Variants in TNNC1 observed in about 807,000 individuals in gnomAD.
TNNC1 encodes troponin C1, slow skeletal and cardiac type.
TNNC1 carries 10 observed loss-of-function variants against 19.6 expected under a neutral mutation model. The observed-to-expected ratio is 0.51, with a 90% CI of 0.31 to 0.87. TNNC1 has a LOEUF of 0.87. Among genes scored for constraint, TNNC1 ranks in the 40% least tolerant of loss-of-function variants. The pLI, the probability that TNNC1 is intolerant of heterozygous loss-of-function variation, is 0.04. For synonymous variants in TNNC1, 85 were observed against 80.1 expected (o/e 1.06, Z -0.33); for missense variants, 115 against 219.8 (o/e 0.52, Z 3.02).
In TNNC1 at chr3:52,451,747, T is replaced by C; in HGVS notation, c.314A>G (p.Asp105Gly). Residue 105 changes from aspartate (D) to glycine (G), a missense_variant, in exon 4 of 6, where the codon GAC (aspartate) becomes GGC (glycine). By Grantham distance (94) the Asp-to-Gly change is moderately conservative. Coordinates refer to ENST00000232975, the MANE Select transcript of TNNC1 (RefSeq NM_003280.3). This position sits in a 1 kb window ranked among gnomAD's most constrained non-coding sequence, Gnocchi z 4.8. ...AGGTCAAGGGTCACGTGCTCACTTG[T>C]CAAACATGCGGAAGAGGTCAGACAG... ...EELSDLFRMF[D>G]KNADGYIDLD... is the part of the protein sequence containing the mutation. 6.2e-7 allele frequency: 1 copy of C among 1,613,998 alleles called. No homozygotes were observed. Among genetic ancestry groups the C allele is most frequent in the Middle Eastern group, 1.6e-4 (1 of 6,062 alleles).
chr3:52,453,120 C>T (rs984437018), intron 1 of TNNC1, among the ~76,000 whole-genome samples: 2 of 152,236 alleles, frequency 1.3e-5, no homozygotes, highest in African/African-American at 2.4e-5. Context: ...GATAAGCAGG[C>T]GTGCCCCCAG....
Position 52,451,491 on chromosome 3 carries a change from C to A in TNNC1, c.354G>T (p.Lys118Asn), listed in dbSNP as rs1578263846. The A allele has an allele frequency of 6.2e-7, 1 of 1,614,172 alleles. No individual in the cohort carries two copies. Among genetic ancestry groups the A allele is most frequent in the Non-Finnish European group, 8.5e-7 (1 of 1,180,014 alleles). ...TCTCGCCTGTAGCCTGCAGCATTAT[C>A]TTCAGCTCATCCAGGTCGATGTAGC... ...ADGYIDLDEL[K>N]IMLQATGETI... Residue 118 changes from lysine (K) to asparagine (N), a missense_variant, in exon 5 of 6, where the codon AAG (lysine) becomes AAT (asparagine). Lys to Asn is a moderately conservative substitution (Grantham distance 94). Transcript: ENST00000232975. This position sits in a 1 kb window ranked among gnomAD's most constrained non-coding sequence, Gnocchi z 4.8.
In TNNC1 at chr3:52,451,582, C is replaced by T; in HGVS notation, c.318-55G>A. ...TGGGGAGGGCATGAGGCAGCCCCACCCATGCCCCAGGAGGCAGAGCAGGGA... is the reference window on the plus strand; with the variant it reads ...TGGGGAGGGCATGAGGCAGCCCCACTCATGCCCCAGGAGGCAGAGCAGGGA... On this transcript the variant is annotated intron_variant, in intron 4 of 5. Transcript: ENST00000232975. This position sits in a 1 kb window ranked among gnomAD's most constrained non-coding sequence, Gnocchi z 4.8. 1 of 1,611,236 alleles carries T rather than the reference C, an allele frequency of 6.2e-7. No individual in the cohort carries two copies. The highest frequency in any genetic ancestry group is 8.5e-7 in the Non-Finnish European group (1 of 1,177,984).
rs775387427 is a variant in TNNC1, at chr3:52,452,295, G to T, written c.56-43C>A. On this transcript the variant is annotated intron_variant, in intron 2 of 5. Coordinates refer to ENST00000232975, the MANE Select transcript of TNNC1 (RefSeq NM_003280.3). The surrounding 1 kb of genome is among the most constrained non-coding windows in gnomAD (Gnocchi z 5.2). ...GGGGCACAGTAGTCAGGGCTCAGCA[G>T]CCAGGACCACGGAGGGCCAGAACCC... The T allele has an allele frequency of 7.5e-6, 12 of 1,603,932 alleles. No individual in the cohort carries two copies. Among genetic ancestry groups the T allele is most frequent in the Non-Finnish European group, 1.0e-5 (12 of 1,179,928 alleles).
chr3:52,452,155 GT>G lies in TNNC1; in HGVS notation c.152del (p.Asn51ThrfsTer10). ...TCTCCTGCAGCTCCTCAGGGGTGGG[GT>G]TCTGGCCCAGCATCCTCATCACCTT... ...LGKVMRMLGQ[N>X]PTPEELQEMI... is the part of the protein sequence containing the mutation. On this transcript the variant is annotated frameshift_variant, in exon 3 of 6. Transcript: ENST00000232975. LOFTEE classifies it high-confidence loss of function. The surrounding 1 kb of genome is among the most constrained non-coding windows in gnomAD (Gnocchi z 5.2). 1 of 1,613,972 alleles carries G rather than the reference GT, an allele frequency of 6.2e-7. No individual in the cohort carries two copies. Among genetic ancestry groups the G allele is most frequent in the South Asian group, 1.1e-5 (1 of 91,086 alleles).
At chr3:52,453,877 G>A (rs543662042) in intron 1 of TNNC1, 115 bp downstream of exon 1, 27 of 1,280,626 alleles carry the variant, frequency 2.1e-5, no homozygotes, top group East Asian at 7.6e-5. Flanking sequence ...TTGAAGGCAC[G>A]TAGGCCTTCT....
At position 52,451,666 on chromosome 3, in the gene TNNC1, C is replaced by T; in HGVS notation, c.317+78G>A. 6.3e-7 allele frequency: 1 copy of T among 1,580,698 alleles called. No homozygotes were observed. ...GGCAGAGGCCACAGGGTCCCTAGGC[C>T]TGGAATCTGAGACTGCCCTCCTGTA... On this transcript the variant is annotated intron_variant, in intron 4 of 5. Transcript: ENST00000232975. This position sits in a 1 kb window ranked among gnomAD's most constrained non-coding sequence, Gnocchi z 4.8.
At position 52,451,374 on chromosome 3, in the gene TNNC1, C is replaced by T. The variant is rs754572435; in HGVS notation, c.454+17G>A. ...GCAGGGCATGGAGGCAGGAGATCAGCCCACCCACCCGCTTACCATCATAGT... is the reference window on the plus strand; with the variant it reads ...GCAGGGCATGGAGGCAGGAGATCAGTCCACCCACCCGCTTACCATCATAGT... On this transcript the variant is annotated intron_variant, in intron 5 of 5. Transcript: ENST00000232975. This position sits in a 1 kb window ranked among gnomAD's most constrained non-coding sequence, Gnocchi z 4.8. 1.4e-5 allele frequency: 22 copies of T among 1,613,966 alleles called. No individual in the cohort carries two copies. The African/African-American group carries it at 2.7e-4, about 20-fold the overall frequency.
In TNNC1 at chr3:52,452,639, G is replaced by A. The variant is rs1706345529; in HGVS notation, c.25-126C>T. 9.6e-7 allele frequency: 1 copy of A among 1,043,822 alleles called. No homozygotes were observed. Among genetic ancestry groups the A allele is most frequent in the Non-Finnish European group, 1.5e-6 (1 of 687,204 alleles). 64.7% of individuals were successfully genotyped at this position (1,043,822 alleles called of 1,614,324 possible). On this transcript the variant is annotated intron_variant, in intron 1 of 5. Coordinates refer to ENST00000232975, the MANE Select transcript of TNNC1 (RefSeq NM_003280.3). This position sits in a 1 kb window ranked among gnomAD's most constrained non-coding sequence, Gnocchi z 5.2. The stretch of plus-strand genomic sequence containing the variant: ...GGCTATTTCCAGGCCACAGAGTGGA[G>A]GTCTCAGTCCTCCCTCCCTGCCCCC...
Position 52,452,715 on chromosome 3 carries a change from G to T in TNNC1, c.25-202C>A. 1 of 647,384 alleles carries T rather than the reference G, an allele frequency of 1.5e-6. No homozygotes were observed. 40.1% of individuals were successfully genotyped at this position (647,384 alleles called of 1,614,324 possible). On this transcript the variant is annotated intron_variant, in intron 1 of 5. Transcript: ENST00000232975. The surrounding 1 kb of genome is among the most constrained non-coding windows in gnomAD (Gnocchi z 5.2). ...CTCACTGCGACTGGGCTCAGGGCCA[G>T]GGTGACAGGTGGGCACCCCCTTCAG...
rs1257475721 is a variant in TNNC1 at position 52,451,203 on chromosome 3, C to T, written c.*72G>A. ...CCAGGCTCAGGTCCTGGGACCCCGA[C>T]CCCCTCCCCAACCCCAGGACTCAGC... On this transcript the variant is annotated 3_prime_UTR_variant, in exon 6 of 6. Coordinates refer to ENST00000232975, the MANE Select transcript of TNNC1 (RefSeq NM_003280.3). This position sits in a 1 kb window ranked among gnomAD's most constrained non-coding sequence, Gnocchi z 4.8. 1.3e-6 allele frequency: 2 copies of T among 1,590,938 alleles called. No individual in the cohort carries two copies. Among genetic ancestry groups the T allele is most frequent in the African/African-American group, 1.3e-5 (1 of 74,414 alleles).
At position 52,451,974 on chromosome 3, in the gene TNNC1, G is replaced by C; in HGVS notation, c.203-116C>G. On this transcript the variant is annotated intron_variant, in intron 3 of 5. Transcript: ENST00000232975. The surrounding 1 kb of genome is among the most constrained non-coding windows in gnomAD (Gnocchi z 4.8). ...TCACACCAAACGCCAGGCTTGTGTA[G>C]CCCTTATGCCCATTTTATAGATGAG... is the stretch of plus-strand genomic sequence containing the variant. 1 of 1,543,244 alleles carries C rather than the reference G, an allele frequency of 6.5e-7. No homozygotes were observed. Among genetic ancestry groups the C allele is most frequent in the Non-Finnish European group, 8.9e-7 (1 of 1,119,268 alleles).
chr3:52,453,981 C>A lies in TNNC1; in HGVS notation c.24+11G>T, dbSNP rs1268183288. 1.3e-6 allele frequency: 2 copies of A among 1,585,376 alleles called. No homozygotes were observed. The highest frequency in any genetic ancestry group is 1.1e-5 in the South Asian group (1 of 87,106). On this transcript the variant is annotated intron_variant, in intron 1 of 5. Transcript: ENST00000232975. ...CTGCCCACCCCAGCCCTACCCAGCC[C>A]TGTCCCTCACCGCAGCCTTGTAGAT...
Position 52,451,480 on chromosome 3 carries a change from TGC to T in TNNC1, c.363_364del (p.Gln122GlyfsTer29). ...CTCCGTGATGGTCTCGCCTGTAGCC[TGC>T]AGCATTATCTTCAGCTCATCCAGGT... On this transcript the variant is annotated frameshift_variant, in exon 5 of 6. Transcript: ENST00000232975. LOFTEE classifies it high-confidence loss of function. This position sits in a 1 kb window ranked among gnomAD's most constrained non-coding sequence, Gnocchi z 4.8. The T allele has an allele frequency of 6.2e-7, 1 of 1,614,116 alleles. No individual in the cohort carries two copies. Among genetic ancestry groups the T allele is most frequent in the Non-Finnish European group, 8.5e-7 (1 of 1,180,000 alleles).
At chr3:52,453,033 A>T (rs1303225538) in intron 1 of TNNC1, among the ~76,000 whole-genome samples, 4 of 152,252 alleles carry the variant, frequency 2.6e-5, no homozygotes, top group Admixed American at 2.6e-4. Flanking sequence ...AGCCAAAATT[A>T]GTCCCCAACT....
chr3:52,453,979 C>A lies in TNNC1; in HGVS notation c.24+13G>T, dbSNP rs748590123. On this transcript the variant is annotated intron_variant, in intron 1 of 5. Coordinates refer to ENST00000232975, the MANE Select transcript of TNNC1 (RefSeq NM_003280.3). ...GCCTGCCCACCCCAGCCCTACCCAG[C>A]CCTGTCCCTCACCGCAGCCTTGTAG... The A allele has an allele frequency of 4.4e-6, 7 of 1,584,648 alleles. No homozygotes were observed. In the African/African-American group the frequency reaches 8.1e-5, roughly 18 times the overall value.
chr3:52,451,641 G>A lies in TNNC1; in HGVS notation c.317+103C>T. 1.9e-6 allele frequency: 3 copies of A among 1,576,868 alleles called. No homozygotes were observed. The highest frequency in any genetic ancestry group is 2.6e-6 in the Non-Finnish European group (3 of 1,146,812). ...GATGGGGCATCCCTCTCCCCTATCA[G>A]GCAGAGGCCACAGGGTCCCTAGGCC... On this transcript the variant is annotated intron_variant, in intron 4 of 5. Transcript: ENST00000232975. The surrounding 1 kb of genome is among the most constrained non-coding windows in gnomAD (Gnocchi z 4.8).
Position 52,451,822 on chromosome 3 carries a change from A to T in TNNC1, c.239T>A (p.Met80Lys), listed in dbSNP as rs1706331444. Residue 80 changes from methionine (M) to lysine (K), a missense_variant, in exon 4 of 6, where the codon ATG (methionine) becomes AAG (lysine). Physicochemically the swap from Met to Lys is moderately conservative, Grantham distance 95. This residue lies in a region of TNNC1 where 19 missense variants were observed against 105.6 expected (regional missense o/e 0.18). Transcript: ENST00000232975. This position sits in a 1 kb window ranked among gnomAD's most constrained non-coding sequence, Gnocchi z 4.8. Reference protein sequence around the residue: ...GTVDFDEFLVMMVRCMKDDSK... With the variant: ...GTVDFDEFLVKMVRCMKDDSK... The stretch of plus-strand genomic sequence containing the variant: ...GTCGTCCTTCATGCACCGAACCATC[A>T]TGACCAGGAACTCATCAAAGTCCAC... The T allele has an allele frequency of 6.2e-7, 1 of 1,613,936 alleles. No homozygotes were observed.
Position 52,452,628 on chromosome 3 carries a change from C to A in TNNC1, c.25-115G>T. 1 of 1,167,340 alleles carries A rather than the reference C, an allele frequency of 8.6e-7. No homozygotes were observed. 72.3% of individuals were successfully genotyped at this position (1,167,340 alleles called of 1,614,324 possible). Reference sequence around the variant, plus strand: ...TGGAGGAGGCAGGCTATTTCCAGGCCACAGAGTGGAGGTCTCAGTCCTCCC... The same window carrying A: ...TGGAGGAGGCAGGCTATTTCCAGGCAACAGAGTGGAGGTCTCAGTCCTCCC... On this transcript the variant is annotated intron_variant, in intron 1 of 5. Coordinates refer to ENST00000232975, the MANE Select transcript of TNNC1 (RefSeq NM_003280.3). This position sits in a 1 kb window ranked among gnomAD's most constrained non-coding sequence, Gnocchi z 5.2.
Sources: gnomAD v4.1 joint callset for allele counts (sites outside exome capture counted in the v4.1 genomes callset) on GRCh38, gnomAD v4.1.1 for gene constraint, gnomAD v4.1.1 regional missense constraint, Gnocchi (gnomAD v3.1) non-coding constraint, MANE v1.5 for transcripts, NCBI Gene and HGNC (gene_info 2026-07-23, HGNC 2026-07-21) for gene names.